CFAP70: variants seen among roughly 807,000 people sequenced by gnomAD.
CFAP70 encodes cilia- and flagella-associated protein 70.
In CFAP70, 81 loss-of-function variants were observed where a neutral mutation model predicts 137.6. That is an observed-to-expected ratio of 0.59 (90% CI 0.49 to 0.71). CFAP70 has a LOEUF of 0.71. CFAP70 is among the 30% of genes least tolerant of loss of function. The pLI is 0.00. For missense variants in CFAP70, 976 were observed against 1,226.7 expected, an observed-to-expected ratio of 0.80 and a Z score of 3.05; for synonymous variants, 382 against 423.6, an observed-to-expected ratio of 0.90 and a Z score of 1.20.
intron 12 of CFAP70, among the ~76,000 whole-genome samples, chr10:73,307,764 AG>A (rs1190467113): frequency 2.0e-5 from 3 of 152,180 alleles, no homozygotes; most frequent in African/African-American, 7.2e-5. Context: ...AATTGAAGGG[AG>A]AAACTGATAG....
At chr10:73,315,097 T>C (rs533319290) in intron 9 of CFAP70, among the ~76,000 whole-genome samples, 1 of 151,570 alleles carries the variant, frequency 6.6e-6, no homozygotes, top group East Asian at 2.0e-4. Flanking sequence ...CATATGCCTA[T>C]AGTCCAGTTA....
chr10:73,336,934 T>A lies in CFAP70; in HGVS notation c.583-1410A>T, dbSNP rs117141722. 4.3e-4 allele frequency among the ~76,000 whole-genome samples: 65 copies of A among 152,234 alleles called. 2 individuals are homozygous for A. The East Asian group carries it at 0.012, about 28-fold the overall frequency. On this transcript the variant is annotated intron_variant, in intron 6 of 26. Coordinates refer to ENST00000310715, the Ensembl canonical transcript of CFAP70. ...TCTGGTAATTTATATAATTAATAAG[T>A]ATATTAAAGTATGTCCATACAATGT...
intron 4 of CFAP70, among the ~76,000 whole-genome samples, chr10:73,346,591 C>T (rs2053730214): frequency 1.3e-5 from 2 of 150,302 alleles, no homozygotes; most frequent in South Asian, 4.2e-4. Flanking sequence ...TGCAGTGAGC[C>T]GAGATCACAC....
chr10:73,279,073 A>G (rs1273984845), intron 19 of CFAP70: 1 of 152,098 alleles, frequency 6.6e-6, no homozygotes, highest in Admixed American at 6.5e-5. Context: ...TCCTCACTTT[A>G]GTAGCACACA....
intron 5 of CFAP70, 148 bp from the exon 7 acceptor site, chr10:73,341,729 C>T: frequency 1.5e-6 from 1 of 652,274 alleles, no homozygotes; most frequent in Non-Finnish European, 2.6e-6. Context: ...GGGGCCTGTG[C>T]CCTTCATTCC....
At chr10:73,279,523 C>CAATAAATAAATAAATA (rs35709122) in intron 19 of CFAP70, among the ~76,000 whole-genome samples, 36 of 129,400 alleles carry the variant, frequency 2.8e-4, no homozygotes, top group South Asian at 8.3e-4. Flanking sequence ...GACTCTGTCT[C>CAATAAATAAATAAATA]AATAAATAAA....
At chr10:73,304,859 A>C (rs1178604610) in intron 12 of CFAP70, among the ~76,000 whole-genome samples, 1 of 151,366 alleles carries the variant, frequency 6.6e-6, no homozygotes, top group East Asian at 1.9e-4. Flanking sequence ...AAAAAAAAAA[A>C]CACACACACC....
At chr10:73,348,881 G>A (rs945471131) in intron 3 of CFAP70, among the ~76,000 whole-genome samples, 1 of 151,762 alleles carries the variant, frequency 6.6e-6, no homozygotes, top group East Asian at 1.9e-4. Context: ...TGACAAACAC[G>A]GAGAAAACCT....
At chr10:73,267,825 C>G (rs111392724) in intron 25 of CFAP70, among the ~76,000 whole-genome samples, 4 of 152,080 alleles carry the variant, frequency 2.6e-5, no homozygotes, top group African/African-American at 9.7e-5. Flanking sequence ...TGGTAGAATT[C>G]AGTTCTTTGT....
intron 22 of CFAP70, chr10:73,274,953 G>T (rs908468576): frequency 2.7e-5 from 5 of 185,882 alleles, no homozygotes; most frequent in Non-Finnish European, 4.4e-5. Context: ...CCTTTTCTCT[G>T]CTCTTTGCAA....
intron 7 of CFAP70, 34 bp downstream of exon 8, chr10:73,335,396 T>G: frequency 7.1e-7 from 1 of 1,402,340 alleles, no homozygotes; most frequent in South Asian, 1.3e-5. Context: ...CAAGCCTTTG[T>G]GGGTTAGACA....
intron 14 of CFAP70, among the ~76,000 whole-genome samples, chr10:73,297,991 T>G (rs1426857305): frequency 6.6e-6 from 1 of 152,104 alleles, no homozygotes; most frequent in Admixed American, 6.6e-5. Context: ...CCATGGACAT[T>G]TGTTGTTTTT....
intron 24 of CFAP70, among the ~76,000 whole-genome samples, chr10:73,270,643 C>A (rs1165171327): frequency 6.8e-6 from 1 of 146,736 alleles, no homozygotes; most frequent in Non-Finnish European, 1.5e-5. Flanking sequence ...TTAATCGATT[C>A]TCTTGCCTCA....
chr10:73,299,119 A>C lies in CFAP70; in HGVS notation c.1318-18T>G. The C allele has an allele frequency of 6.3e-7, 1 of 1,590,242 alleles. No individual in the cohort carries two copies. The highest frequency in any genetic ancestry group is 8.6e-7 in the Non-Finnish European group (1 of 1,165,590). ...CTCACTGCCTAAGAAAATACAAAAC[A>C]TCTGGTAGACGCCTCAGAGAGGTCA... On this transcript the variant is annotated intron_variant, in intron 13 of 26. Transcript: ENST00000310715.
intron 5 of CFAP70, among the ~76,000 whole-genome samples, chr10:73,341,933 T>C (rs758681588): frequency 1.3e-5 from 2 of 152,246 alleles, no homozygotes; most frequent in Non-Finnish European, 2.9e-5. Flanking sequence ...TTTGAACTCA[T>C]TGTCACATTT....
chr10:73,264,600 A>C (rs1262824822), intron 25 of CFAP70, among the ~76,000 whole-genome samples: 2 of 152,200 alleles, frequency 1.3e-5, no homozygotes, highest in East Asian at 3.8e-4. Flanking sequence ...AATACCTAGT[A>C]ATTTCAGAAC....
chr10:73,274,897 T>G, intron 22 of CFAP70: 1 of 261,398 alleles, frequency 3.8e-6, no homozygotes, highest in Admixed American at 5.2e-5. Context: ...TGAGAAAATA[T>G]AAGAAATCTA....
At chr10:73,344,620 C>G (rs1301545855) in intron 5 of CFAP70, among the ~76,000 whole-genome samples, 1 of 152,154 alleles carries the variant, frequency 6.6e-6, no homozygotes, top group Non-Finnish European at 1.5e-5. Context: ...ATAGAAGAAG[C>G]CTTTTAGCAA....
chr10:73,339,523 G>A (rs971008173), intron 6 of CFAP70, among the ~76,000 whole-genome samples: 1 of 152,130 alleles, frequency 6.6e-6, no homozygotes, highest in African/African-American at 2.4e-5. Context: ...TCACCCACTT[G>A]GCCTGGCAGG....
Sources: gnomAD v4.1 joint callset for allele counts (sites outside exome capture counted in the v4.1 genomes callset) on GRCh38, gnomAD v4.1.1 for gene constraint, MANE v1.5 for transcripts, NCBI Gene and HGNC (gene_info 2026-07-23, HGNC 2026-07-21) for gene names.